Variants in GRK5 observed in about 807,000 individuals in gnomAD.
GRK5 encodes G protein-coupled receptor kinase 5.
In GRK5, 40 loss-of-function variants were observed where a neutral mutation model predicts 78.4. The observed-to-expected ratio is 0.51, with a 90% CI of 0.40 to 0.66. The LOEUF (loss-of-function observed/expected upper bound fraction) is 0.66. Ranked by LOEUF, GRK5 falls within the 30% of genes least tolerant of loss-of-function variation. GRK5 has a pLI of 0.00. For synonymous variants in GRK5, 289 were observed against 296.8 expected (o/e 0.97, Z 0.27); for missense variants, 598 against 759.9 (o/e 0.79, Z 2.50).
chr10:119,374,049 A>G (rs1192780092), intron 2 of GRK5, among the ~76,000 whole-genome samples: 1 of 152,170 alleles, frequency 6.6e-6, no homozygotes, highest in Non-Finnish European at 1.5e-5. Flanking sequence ...ATGCGAGATC[A>G]GGAATCCCTA....
chr10:119,282,653 G>C (rs1459976062), intron 1 of GRK5, among the ~76,000 whole-genome samples: 2 of 152,206 alleles, frequency 1.3e-5, no homozygotes, highest in African/African-American at 2.4e-5. Flanking sequence ...GAGCCTGAAG[G>C]GTTGGCCCCG....
rs983595656 is a variant in GRK5 at position 119,246,039 on chromosome 10, A to G, written c.52+38070A>G. Among the ~76,000 whole-genome samples the G allele has an allele frequency of 1.3e-3, 188 of 140,564 alleles. 1 individual carries two copies. Among genetic ancestry groups the G allele is most frequent in the Middle Eastern group, 3.5e-3 (1 of 286 alleles). 92.2% of individuals were successfully genotyped at this position (140,564 alleles called of 152,430 possible). On this transcript the variant is annotated intron_variant, in intron 1 of 15. Coordinates refer to ENST00000392870, the MANE Select transcript of GRK5 (RefSeq NM_005308.3). ...CATCTCAAAAAAAAAAAAAAAAAAAAAAAAAAGAAAAAAAGATAAATTTGT... is the reference window on the plus strand; with the variant it reads ...CATCTCAAAAAAAAAAAAAAAAAAAGAAAAAAGAAAAAAAGATAAATTTGT...
intron 4 of GRK5, among the ~76,000 whole-genome samples, chr10:119,421,661 G>C (rs1852571684): frequency 6.6e-6 from 1 of 152,220 alleles, no homozygotes; most frequent in Non-Finnish European, 1.5e-5. Context: ...TGAGACTGCT[G>C]TTTGGTGGGA....
chr10:119,430,338 C>T lies in GRK5; in HGVS notation c.534-37C>T. ...GTTTCCTGTGGATTCTGAGTCTTGG[C>T]ACCATGAGACCAGTGTGGGATTCTT... On this transcript the variant is annotated intron_variant, in intron 6 of 15. Coordinates refer to ENST00000392870, the MANE Select transcript of GRK5 (RefSeq NM_005308.3). This position sits in a 1 kb window ranked among gnomAD's most constrained non-coding sequence, Gnocchi z 4.5. 6.3e-7 allele frequency: 1 copy of T among 1,583,168 alleles called. No homozygotes were observed. The highest frequency in any genetic ancestry group is 8.7e-7 in the Non-Finnish European group (1 of 1,152,384).
intron 6 of GRK5, among the ~76,000 whole-genome samples, chr10:119,426,988 C>G (rs1852694890): frequency 1.3e-5 from 2 of 152,156 alleles, no homozygotes; most frequent in Non-Finnish European, 2.9e-5. Context: ...CCATCAACAT[C>G]ACCACCATCA....
intron 1 of GRK5, among the ~76,000 whole-genome samples, chr10:119,298,559 G>A (rs1488630929): frequency 6.6e-6 from 1 of 152,106 alleles, no homozygotes; most frequent in Non-Finnish European, 1.5e-5. Context: ...TGTTGTTTTT[G>A]TTCTCTCTGA....
At chr10:119,395,023 T>G (rs935234259) in intron 3 of GRK5, among the ~76,000 whole-genome samples, 1 of 150,418 alleles carries the variant, frequency 6.6e-6, no homozygotes, top group African/African-American at 2.4e-5. Context: ...GGAAGAGGAG[T>G]TGACCTCTGG....
intron 2 of GRK5, among the ~76,000 whole-genome samples, chr10:119,346,924 C>T (rs1178241670): frequency 6.6e-6 from 1 of 152,206 alleles, no homozygotes; most frequent in Non-Finnish European, 1.5e-5. Flanking sequence ...GAATCTTTCT[C>T]CTAGGAACTG....
intron 12 of GRK5, among the ~76,000 whole-genome samples, chr10:119,446,501 A>G (rs886074653): frequency 9.7e-5 from 11 of 112,974 alleles, no homozygotes; most frequent in African/African-American, 3.8e-4. Context: ...CGTTTGTGCC[A>G]CCTTCCTGGC....
chr10:119,351,531 A>G (rs1190575919), intron 2 of GRK5, among the ~76,000 whole-genome samples: 6 of 152,082 alleles, frequency 3.9e-5, no homozygotes, highest in Non-Finnish European at 7.3e-5. Context: ...CTCTTCTGCC[A>G]TGATTGTGAG....
chr10:119,237,202 A>G (rs1206231002), intron 1 of GRK5, among the ~76,000 whole-genome samples: 1 of 151,336 alleles, frequency 6.6e-6, no homozygotes, highest in Non-Finnish European at 1.5e-5. Flanking sequence ...AGCTGGGATT[A>G]CAGGCATGTG....
rs541984750 is a variant in GRK5 at position 119,261,344 on chromosome 10, G to A, written c.52+53375G>A. Among the ~76,000 whole-genome samples, 11 of 149,120 alleles carry A rather than the reference G, an allele frequency of 7.4e-5. No individual in the cohort carries two copies. The South Asian group carries it at 1.9e-3, about 26-fold the overall frequency. On this transcript the variant is annotated intron_variant, in intron 1 of 15. Coordinates refer to ENST00000392870, the MANE Select transcript of GRK5 (RefSeq NM_005308.3). ...CTCCTCACTTCCTAGATGGGATGGC[G>A]GCCGGGAAGAGGCGCTCCTCACTTC...
In GRK5 at chr10:119,271,899, A is replaced by G. The variant is rs1249171895; in HGVS notation, c.53-54617A>G. ...GGTACTCGGGAGGCTGAAGGAGTTCATCTGTGGAAATCATTTGGCATGATG... is the reference window on the plus strand; with the variant it reads ...GGTACTCGGGAGGCTGAAGGAGTTCGTCTGTGGAAATCATTTGGCATGATG... On this transcript the variant is annotated intron_variant, in intron 1 of 15. Transcript: ENST00000392870. The surrounding 1 kb of genome is among the most constrained non-coding windows in gnomAD (Gnocchi z 4.1). 6.6e-6 allele frequency among the ~76,000 whole-genome samples: 1 copy of G among 152,194 alleles called. No individual in the cohort carries two copies. Among genetic ancestry groups the G allele is most frequent in the Non-Finnish European group, 1.5e-5 (1 of 68,030 alleles).
At chr10:119,281,765 G>C (rs982869911) in intron 1 of GRK5, among the ~76,000 whole-genome samples, 1 of 152,204 alleles carries the variant, frequency 6.6e-6, no homozygotes, top group African/African-American at 2.4e-5. Context: ...CAAGTCATCC[G>C]ATCCCCCGAG....
At chr10:119,259,118 G>A (rs1849332107) in intron 1 of GRK5, among the ~76,000 whole-genome samples, 1 of 137,960 alleles carries the variant, frequency 7.2e-6, no homozygotes, top group African/African-American at 2.7e-5. Flanking sequence ...AGGCCGGACT[G>A]CAGTGGTGCT....
At chr10:119,440,157 T>TCCTGC (rs916452431) in intron 10 of GRK5, among the ~76,000 whole-genome samples, 3 of 152,126 alleles carry the variant, frequency 2.0e-5, no homozygotes, top group African/African-American at 7.2e-5. Context: ...AAACAAAGCG[T>TCCTGC]CCTGCCCTGC....
chr10:119,274,132 T>A (rs1233244460), intron 1 of GRK5, among the ~76,000 whole-genome samples: 1 of 152,166 alleles, frequency 6.6e-6, no homozygotes, highest in African/African-American at 2.4e-5. Flanking sequence ...GAAGCAAAGC[T>A]TGGTTAGCCA....
chr10:119,281,357 C>T (rs1589719690), intron 1 of GRK5, among the ~76,000 whole-genome samples: 1 of 152,128 alleles, frequency 6.6e-6, no homozygotes, highest in South Asian at 2.1e-4. Context: ...ACCCCCCTAA[C>T]CCTACTTTAC....
chr10:119,455,045 C>T lies in GRK5; in HGVS notation c.1751C>T (p.Ser584Leu), dbSNP rs142571352. The change falls in exon 16 of 16, where the codon TCG becomes TTG. Residue 584 changes from serine to leucine, a missense_variant. Coordinates refer to ENST00000392870, the MANE Select transcript of GRK5 (RefSeq NM_005308.3). ...CACATAAACTCAAACCATGTCAGCTCGAACTCCACCGGAAGCAGCTAGTTT... is the reference window on the plus strand; with the variant it reads ...CACATAAACTCAAACCATGTCAGCTTGAACTCCACCGGAAGCAGCTAGTTT... ...NHHINSNHVS[S>L]NSTGSS 1.6e-5 allele frequency: 26 copies of T among 1,613,808 alleles called. No individual in the cohort carries two copies. The highest frequency in any genetic ancestry group is 1.9e-5 in the Non-Finnish European group (23 of 1,179,804).
Sources: allele counts gnomAD v4.1 joint callset (sites outside exome capture counted in the v4.1 genomes callset), GRCh38; gene constraint gnomAD v4.1.1; non-coding constraint Gnocchi (gnomAD v3.1); transcripts MANE v1.5; gene names NCBI Gene and HGNC (gene_info 2026-07-23, HGNC 2026-07-21).